Variants in IL1RAPL1 observed in about 807,000 individuals in gnomAD.
IL1RAPL1 encodes the protein interleukin-1 receptor accessory protein-like 1.
IL1RAPL1 carries 3 observed loss-of-function variants against 48.4 expected under a neutral mutation model. That is an observed-to-expected ratio of 0.06 (90% CI 0.03 to 0.16). The LOEUF (loss-of-function observed/expected upper bound fraction) is 0.16. Among genes scored for constraint, IL1RAPL1 ranks in the 10% least tolerant of loss-of-function variants. The probability of loss-of-function intolerance (pLI) is 1.00; values close to 1 mark genes in which losing one functional copy is unlikely to be tolerated. For missense variants in IL1RAPL1, 349 were observed against 530.6 expected, an observed-to-expected ratio of 0.66 and a Z score of 3.36; for synonymous variants, 185 against 187.7, an observed-to-expected ratio of 0.99 and a Z score of 0.12.
intron 2 of IL1RAPL1, among the ~76,000 whole-genome samples, chrX:29,090,574 G>C (rs193268711): frequency 2.5e-3 from 285 of 111,997 alleles, no homozygotes; most frequent in African/African-American, 8.6e-3. Flanking sequence ...CACGTTTGCT[G>C]TTAAAGATAA....
chrX:29,861,160 A>G (rs1931575505), intron 6 of IL1RAPL1, among the ~76,000 whole-genome samples: 1 of 111,915 alleles, frequency 8.9e-6, no homozygotes, highest in Non-Finnish European at 1.9e-5. Context: ...ATGAAAATCA[A>G]TGTTATGGTC....
intron 5 of IL1RAPL1, among the ~76,000 whole-genome samples, chrX:29,652,179 C>A (rs772739832): frequency 1.1e-3 from 118 of 111,824 alleles, no homozygotes; most frequent in Middle Eastern, 4.7e-3. Context: ...TTTGGAATAT[C>A]TTCTGTTTTA....
intron 5 of IL1RAPL1, chrX:29,574,370 C>G (rs1338638509): frequency 9.2e-6 from 1 of 108,516 alleles, no homozygotes; most frequent in Non-Finnish European, 1.9e-5. Flanking sequence ...TGACACAAAT[C>G]CAAACCATAA....
At chrX:29,809,082 C>CTT (rs757296782) in intron 6 of IL1RAPL1, among the ~76,000 whole-genome samples, 3 of 89,600 alleles carry the variant, frequency 3.3e-5, no homozygotes, top group East Asian at 3.4e-4. Flanking sequence ...TCTGCTCCTG[C>CTT]TTTTTTTTTT....
intron 3 of IL1RAPL1, among the ~76,000 whole-genome samples, chrX:29,319,160 GTCTATCTA>G (rs200758095): frequency 0.12 from 9,920 of 84,885 alleles, 587 homozygotes; most frequent in Non-Finnish European, 0.15. Context: ...CTATCTGTCT[GTCTATCTA>G]TCTATCTATC....
At chrX:29,318,070 G>A (rs1023000447) in intron 3 of IL1RAPL1, among the ~76,000 whole-genome samples, 10 of 112,063 alleles carry the variant, frequency 8.9e-5, no homozygotes, top group African/African-American at 2.9e-4. Context: ...ACTAAGTCTT[G>A]TTAACCCAGT....
rs748444752 is a variant in IL1RAPL1, at chrX:28,873,782, T to C, written c.82+84357T>C. Among the ~76,000 whole-genome samples the C allele has an allele frequency of 3.0e-3, 329 of 108,808 alleles. 1 individual carries two copies. Among genetic ancestry groups the C allele is most frequent in the African/African-American group, 6.7e-3 (199 of 29,902 alleles). 94.5% of individuals were successfully genotyped at this position (108,808 alleles called of 115,157 possible). On this transcript the variant is annotated intron_variant, in intron 2 of 10. Coordinates refer to ENST00000378993, the MANE Select transcript of IL1RAPL1 (RefSeq NM_014271.4). ...TCCTGACCTCGTGATCCGCCCGCCTTGGCCTCCCAAAGTGCTGGGATTACA... is the reference window on the plus strand; with the variant it reads ...TCCTGACCTCGTGATCCGCCCGCCTCGGCCTCCCAAAGTGCTGGGATTACA...
At chrX:29,301,162 G>T (rs1450781645) in intron 3 of IL1RAPL1, among the ~76,000 whole-genome samples, 1 of 111,750 alleles carries the variant, frequency 8.9e-6, no homozygotes, top group Admixed American at 9.5e-5. Flanking sequence ...CCTGGTCTGA[G>T]GAGGCTATAA....
At chrX:28,640,802 C>T (rs1036692166) in intron 1 of IL1RAPL1, among the ~76,000 whole-genome samples, 6 of 110,772 alleles carry the variant, frequency 5.4e-5, no homozygotes, top group Non-Finnish European at 1.1e-4. Context: ...TAGATCCTTC[C>T]AATAAGCAAA....
chrX:28,723,480 C>A (rs899087098), intron 1 of IL1RAPL1, among the ~76,000 whole-genome samples: 4 of 111,254 alleles, frequency 3.6e-5, no homozygotes, highest in African/African-American at 1.3e-4. Context: ...TGATTCTTCT[C>A]TCTTTTCTTC....
At chrX:29,762,027 T>C (rs889229621) in intron 6 of IL1RAPL1, among the ~76,000 whole-genome samples, 1 of 111,926 alleles carries the variant, frequency 8.9e-6, no homozygotes, top group Admixed American at 9.6e-5. Flanking sequence ...TCTGTTCTTC[T>C]TCTGTTTGTT....
chrX:29,154,966 C>G (rs755536383), intron 2 of IL1RAPL1, among the ~76,000 whole-genome samples: 1 of 110,301 alleles, frequency 9.1e-6, no homozygotes, highest in Non-Finnish European at 1.9e-5. Flanking sequence ...AATTACTTAG[C>G]TGGCTAGAGT....
intron 6 of IL1RAPL1, among the ~76,000 whole-genome samples, chrX:29,688,814 G>GT (rs1190558057): frequency 1.9e-3 from 159 of 83,083 alleles, no homozygotes; most frequent in Non-Finnish European, 3.4e-3. Flanking sequence ...GTGCTTTGTG[G>GT]TCTTTTTTTT....
At chrX:29,399,062 G>A in intron 4 of IL1RAPL1, 93 bp from the exon 5 acceptor site, 1 of 686,581 alleles carries the variant, frequency 1.5e-6, no homozygotes, top group Non-Finnish European at 2.3e-6. Context: ...CCTTTAAAAT[G>A]CAATTTTAGA....
intron 6 of IL1RAPL1, among the ~76,000 whole-genome samples, chrX:29,781,606 C>T (rs539451673): frequency 9.0e-6 from 1 of 111,641 alleles, no homozygotes; most frequent in South Asian, 3.7e-4. Flanking sequence ...CCAGCAAATC[C>T]CAGATTGTCT....
At chrX:29,370,206 C>T (rs1023816790) in intron 3 of IL1RAPL1, among the ~76,000 whole-genome samples, 2 of 110,428 alleles carry the variant, frequency 1.8e-5, no homozygotes, top group Non-Finnish European at 3.8e-5. Context: ...AATTAATATT[C>T]GGCTATTGGC....
intron 2 of IL1RAPL1, among the ~76,000 whole-genome samples, chrX:29,185,459 G>T (rs1459777335): frequency 1.8e-5 from 2 of 112,036 alleles, no homozygotes; most frequent in East Asian, 5.6e-4. Context: ...ATAATTTCAG[G>T]AGGTTGTTGT....
chrX:29,706,829 A>T, intron 6 of IL1RAPL1, among the ~76,000 whole-genome samples: 2 of 112,168 alleles, frequency 1.8e-5, no homozygotes, highest in Admixed American at 1.9e-4. Context: ...ACCTGAAACC[A>T]TAAAGATTCT....
At chrX:29,209,695 T>A (rs1930734154) in intron 2 of IL1RAPL1, among the ~76,000 whole-genome samples, 1 of 112,320 alleles carries the variant, frequency 8.9e-6, no homozygotes, top group Non-Finnish European at 1.9e-5. Flanking sequence ...AATAGCACTG[T>A]AATGAATAGC....
Sources: gnomAD v4.1 joint callset for allele counts (sites outside exome capture counted in the v4.1 genomes callset) on GRCh38, gnomAD v4.1.1 for gene constraint, MANE v1.5 for transcripts, NCBI Gene and HGNC (gene_info 2026-07-23, HGNC 2026-07-21) for gene names.